Variants in ZNF783 observed in about 807,000 individuals in gnomAD.
The protein encoded by ZNF783 is protein ZNF783.
A neutral mutation model predicts 31.3 loss-of-function variants in ZNF783; 25 were observed. That is an observed-to-expected ratio of 0.80 (90% CI 0.58 to 1.11). The LOEUF (loss-of-function observed/expected upper bound fraction) is 1.11, where lower values mean the gene tolerates loss of function less well. Ranked by LOEUF, ZNF783 falls within the 50% of genes most tolerant of loss-of-function variation. The probability of loss-of-function intolerance (pLI) is 0.00; values close to 1 mark genes in which losing one functional copy is unlikely to be tolerated. For missense variants in ZNF783, 797 were observed against 760.0 expected (o/e 1.05, Z -0.57); for synonymous variants, 369 against 319.1 (o/e 1.16, Z -1.66).
chr7:149,282,354 G>A lies in ZNF783; in HGVS notation c.*11G>A, dbSNP rs1797499246. On this transcript the variant is annotated 3_prime_UTR_variant, in exon 6 of 6. Coordinates refer to ENST00000434415, the MANE Select transcript of ZNF783 (RefSeq NM_001195220.2). ...AAGGAGGAGGGCTGACCTGGCAGGA[G>A]CCCACAGAGGACCCCTGGCGGGGTC... 5 of 1,479,922 alleles carry A rather than the reference G, an allele frequency of 3.4e-6. No homozygotes were observed. The South Asian group carries it at 6.7e-5, about 20-fold the overall frequency. The allele number at this position is 1,479,922 out of a possible 1,614,324, so 91.7% of individuals were successfully genotyped here.
chr7:149,262,261 G>A lies in ZNF783; in HGVS notation c.-73G>A. The A allele has an allele frequency of 1.6e-6, 2 of 1,288,722 alleles. No individual in the cohort carries two copies. Among genetic ancestry groups the A allele is most frequent in the Non-Finnish European group, 2.0e-6 (2 of 1,011,212 alleles). The allele number at this position is 1,288,722 out of a possible 1,614,324, so 79.8% of individuals were successfully genotyped here. A position where few individuals can be genotyped will look rare whatever the true frequency, so the allele number is the denominator to read the frequency against. On this transcript the variant is annotated 5_prime_UTR_variant, in exon 1 of 6. Coordinates refer to ENST00000434415, the MANE Select transcript of ZNF783 (RefSeq NM_001195220.2). Reference sequence around the variant, plus strand: ...AGGCGGGTCCCGCTCCGCTTCCGCCGTCGCTGCCGCGCCGCCCCGGGCCCG... The same window carrying A: ...AGGCGGGTCCCGCTCCGCTTCCGCCATCGCTGCCGCGCCGCCCCGGGCCCG...
intron 4 of ZNF783, among the ~76,000 whole-genome samples, chr7:149,269,821 TC>T (rs1456812812): frequency 1.3e-4 from 11 of 83,910 alleles, no homozygotes; most frequent in Admixed American, 1.1e-3. Context: ...CCCTCCCCCC[TC>T]CCCCCACCCC....
chr7:149,276,654 T>TTTAG, intron 4 of ZNF783: 1 of 642,104 alleles, frequency 1.6e-6, no homozygotes, highest in Non-Finnish European at 1.8e-6. Context: ...TGGGTTACTT[T>TTTAG]TTATTTATTT....
chr7:149,281,398 T>G, intron 5 of ZNF783, 107 bp from the exon 6 acceptor site: 3 of 954,340 alleles, frequency 3.1e-6, no homozygotes, highest in Non-Finnish European at 4.3e-6. Flanking sequence ...GTGAGCACTG[T>G]GGGGAGATAG....
intron 4 of ZNF783, chr7:149,276,738 C>A: frequency 1.9e-6 from 1 of 531,790 alleles, no homozygotes; most frequent in Non-Finnish European, 2.4e-6. Flanking sequence ...CTGGCACAAT[C>A]ATGGCTCACT....
At position 149,266,956 on chromosome 7, in the gene ZNF783, G is replaced by A. The variant is rs375930388; in HGVS notation, c.547+11G>A. On this transcript the variant is annotated intron_variant, in intron 3 of 5. Coordinates refer to ENST00000434415, the MANE Select transcript of ZNF783 (RefSeq NM_001195220.2). The stretch of plus-strand genomic sequence containing the variant: ...CGCTGGTCTCCCTGGGTAAGGCCAC[G>A]GAGGGAGGATCTGGGCCTCTGTCCA... 4.6e-5 allele frequency: 74 copies of A among 1,614,084 alleles called. 1 individual carries two copies. In the East Asian group the frequency reaches 1.3e-3, roughly 28 times the overall value.
chr7:149,267,851 C>T (rs1019320390), intron 4 of ZNF783, among the ~76,000 whole-genome samples: 1 of 152,118 alleles, frequency 6.6e-6, no homozygotes, highest in Non-Finnish European at 1.5e-5. Flanking sequence ...CTGCTGCCTC[C>T]TGGCATCTTC....
chr7:149,267,289 C>T (rs1797102864), intron 4 of ZNF783, 67 bp downstream of exon 4: 15 of 1,516,392 alleles, frequency 9.9e-6, no homozygotes, highest in South Asian at 5.3e-5. Flanking sequence ...CCTACCCTCT[C>T]GGGCTTCCCA....
At chr7:149,276,090 C>G (rs1797321893) in intron 4 of ZNF783, 1 of 152,346 alleles carries the variant, frequency 6.6e-6, no homozygotes, top group Non-Finnish European at 1.5e-5. Flanking sequence ...AGGGTTTCAC[C>G]ATGTTGCCTA....
chr7:149,275,282 T>C (rs1173891119), intron 4 of ZNF783, among the ~76,000 whole-genome samples: 1 of 151,984 alleles, frequency 6.6e-6, no homozygotes, highest in Non-Finnish European at 1.5e-5. Flanking sequence ...TCAGTTCTAA[T>C]AGGTTTTTTT....
chr7:149,262,417 C>A, intron 1 of ZNF783, 60 bp downstream of exon 1: 3 of 1,194,044 alleles, frequency 2.5e-6, no homozygotes, highest in Non-Finnish European at 2.1e-6. Context: ...CGTGAGCCCG[C>A]GCGAGGGACT....
rs1290396489 is a variant in ZNF783 at position 149,266,530 on chromosome 7, G to A, written c.220G>A (p.Ala74Thr). ...LLTLEGRTGT[A>T]EKKLADCEKT... ...GACTCTGGAGGGGCGCACGGGGACA[G>A]CCGAGAAGAAGCTGGCCGACTGCGA... The change falls in exon 2 of 6, where the codon GCC (alanine) becomes ACC (threonine). Residue 74 changes from alanine to threonine, a missense_variant. Coordinates refer to ENST00000434415, the MANE Select transcript of ZNF783 (RefSeq NM_001195220.2). The A allele has an allele frequency of 1.9e-6, 3 of 1,614,050 alleles. No individual in the cohort carries two copies. The highest frequency in any genetic ancestry group is 2.5e-6 in the Non-Finnish European group (3 of 1,179,936).
chr7:149,273,777 C>T (rs1797262841), intron 4 of ZNF783, among the ~76,000 whole-genome samples: 2 of 152,146 alleles, frequency 1.3e-5, no homozygotes, highest in South Asian at 2.1e-4. Context: ...CTCCTGGACT[C>T]GAGCAATCTT....
chr7:149,274,841 A>G (rs62505141), intron 4 of ZNF783, among the ~76,000 whole-genome samples: 28,881 of 151,940 alleles, frequency 0.19, 2,942 homozygotes, highest in Admixed American at 0.31. Flanking sequence ...AGATTCCTCC[A>G]GTTTTGTTCT....
At chr7:149,278,236 A>C in intron 4 of ZNF783, 163 bp from the exon 5 acceptor site, 1 of 1,424,860 alleles carries the variant, frequency 7.0e-7, no homozygotes, top group Non-Finnish European at 9.2e-7. Context: ...TTAGACTGGA[A>C]TCTAGCTGCC....
chr7:149,267,751 T>C (rs996755952), intron 4 of ZNF783, among the ~76,000 whole-genome samples: 8 of 152,078 alleles, frequency 5.3e-5, no homozygotes, highest in African/African-American at 1.4e-4. Flanking sequence ...GAGCCGAGAT[T>C]GCGCCACTGC....
At chr7:149,278,634 AG>A (rs1797389139) in intron 5 of ZNF783, 107 bp downstream of exon 5, 1 of 1,512,040 alleles carries the variant, frequency 6.6e-7, no homozygotes, top group East Asian at 2.4e-5. Context: ...GCTGGGAGAG[AG>A]GGCTGGGAGA....
In ZNF783 at chr7:149,282,103, C is replaced by T. The variant is rs758298368; in HGVS notation, c.1401C>T (p.Ala467=). The change falls in exon 6 of 6, where the codon GCC becomes GCT. Residue 467 remains alanine (A), a synonymous_variant. Transcript: ENST00000434415. The part of the protein sequence containing the change: ...LHTGNGQGWP[A]CPYCGKAFRR... Reference sequence around the variant, plus strand: ...CCGGCAATGGCCAGGGCTGGCCCGCCTGCCCCTACTGCGGCAAGGCCTTCC... The same window carrying T: ...CCGGCAATGGCCAGGGCTGGCCCGCTTGCCCCTACTGCGGCAAGGCCTTCC... 9.4e-6 allele frequency: 15 copies of T among 1,597,840 alleles called. No homozygotes were observed. Among genetic ancestry groups the T allele is most frequent in the Admixed American group, 8.3e-5 (5 of 59,904 alleles).
chr7:149,279,126 C>T (rs1173916890), intron 5 of ZNF783, among the ~76,000 whole-genome samples: 1 of 152,230 alleles, frequency 6.6e-6, no homozygotes, highest in Non-Finnish European at 1.5e-5. Context: ...CTGGTCCTGC[C>T]GCTGGCCCGA....
Sources: allele counts gnomAD v4.1 joint callset (sites outside exome capture counted in the v4.1 genomes callset), GRCh38; gene constraint gnomAD v4.1.1; transcripts MANE v1.5; gene names NCBI Gene and HGNC (gene_info 2026-07-23, HGNC 2026-07-21).